CR1: variants seen among roughly 807,000 people sequenced by gnomAD.
The protein encoded by CR1 is complement receptor type 1.
Under a neutral mutation model 187.3 loss-of-function variants are expected in CR1, and 116 were observed. The observed-to-expected ratio is 0.62, with a 90% CI of 0.53 to 0.72. The LOEUF (loss-of-function observed/expected upper bound fraction) is 0.72, where lower values mean the gene tolerates loss of function less well. Among genes scored for constraint, CR1 ranks in the 30% least tolerant of loss-of-function variants. The probability of loss-of-function intolerance (pLI) is 0.00; values close to 1 mark genes in which losing one functional copy is unlikely to be tolerated. For synonymous variants in CR1, 576 were observed against 747.1 expected (o/e 0.77, Z 3.73); for missense variants, 1,731 against 2,110.7 (o/e 0.82, Z 3.52).
intron 25 of CR1, among the ~76,000 whole-genome samples, chr1:207,568,252 C>T (rs539954747): frequency 8.4e-5 from 12 of 142,248 alleles, no homozygotes; most frequent in East Asian, 4.0e-4. Flanking sequence ...AAGAGGGAGG[C>T]GGTGAGTGGT....
rs56255648 is a variant in CR1 at position 207,621,767 on chromosome 1, T to C, written c.7253-206T>C. ...TGTATTATAAATTTTCTTCTGTAAT[T>C]GTATTAATAATAATTTTTAAAAGTC... On this transcript the variant is annotated intron_variant, in intron 43 of 46. Coordinates refer to ENST00000367049, the MANE Select transcript of CR1 (RefSeq NM_000651.6). Among the ~76,000 whole-genome samples the C allele has an allele frequency of 1.8e-3, 273 of 152,326 alleles. 1 individual carries two copies. Among genetic ancestry groups the C allele is most frequent in the African/African-American group, 6.4e-3 (264 of 41,566 alleles).
intron 1 of CR1, among the ~76,000 whole-genome samples, chr1:207,500,208 T>C (rs1659224893): frequency 6.6e-6 from 1 of 152,240 alleles, no homozygotes; most frequent in African/African-American, 2.4e-5. Context: ...GTCATGATGA[T>C]TAACAAAGCA....
At chr1:207,564,337 C>A (rs1306915911) in intron 23 of CR1, 103 bp downstream of exon 23, 11 of 1,587,036 alleles carry the variant, frequency 6.9e-6, no homozygotes, top group Non-Finnish European at 9.4e-6. Context: ...CACACACACA[C>A]ACACACACCT....
Position 207,564,312 on chromosome 1 carries a change from G to A in CR1, c.3866+78G>A, listed in dbSNP as rs1388758760. The stretch of plus-strand genomic sequence containing the variant: ...AGTCTAAAAAGGGGAGATTTGGTGT[G>A]GCTTAAAAGAAAGACACACACACAC... On this transcript the variant is annotated intron_variant, in intron 23 of 46. Transcript: ENST00000367049. 53 of 1,588,200 alleles carry A rather than the reference G, an allele frequency of 3.3e-5. 6 individuals are homozygous for A. In the African/African-American group the frequency reaches 7.3e-4, roughly 22 times the overall value.
intron 1 of CR1, among the ~76,000 whole-genome samples, chr1:207,497,226 A>G (rs546932758): frequency 1.7e-4 from 26 of 152,250 alleles, no homozygotes; most frequent in Non-Finnish European, 3.2e-4. Context: ...TGATGTGTTT[A>G]GTACAAAATA....
chr1:207,607,658 A>G (rs1021602580), intron 36 of CR1, among the ~76,000 whole-genome samples: 5 of 152,174 alleles, frequency 3.3e-5, no homozygotes, highest in Admixed American at 1.3e-4. Context: ...CTTACTATCT[A>G]TCAGGTTACA....
At chr1:207,600,569 C>T (rs920580069) in intron 35 of CR1, 6 of 152,020 alleles carry the variant, frequency 3.9e-5, no homozygotes, top group Admixed American at 2.0e-4. Flanking sequence ...TTTTAGAAAA[C>T]GGAGTACCTT....
At chr1:207,618,995 G>T (rs576458886) in intron 42 of CR1, among the ~76,000 whole-genome samples, 31 of 133,556 alleles carry the variant, frequency 2.3e-4, no homozygotes, top group African/African-American at 9.0e-4. Flanking sequence ...CTGAGATCAC[G>T]CCACTGCACT....
chr1:207,500,375 T>C (rs1261467088), intron 1 of CR1, among the ~76,000 whole-genome samples: 1 of 152,214 alleles, frequency 6.6e-6, no homozygotes, highest in Admixed American at 6.5e-5. Context: ...CAAGTGCAAA[T>C]CTATTCCTTA....
chr1:207,516,119 G>T (rs1259191547), intron 4 of CR1, among the ~76,000 whole-genome samples: 1 of 152,186 alleles, frequency 6.6e-6, no homozygotes, highest in Non-Finnish European at 1.5e-5. Flanking sequence ...CTACTTGGGA[G>T]GCTGAGGTGG....
intron 35 of CR1, among the ~76,000 whole-genome samples, chr1:207,589,200 G>A (rs1227761290): frequency 1.3e-5 from 2 of 152,200 alleles, no homozygotes; most frequent in African/African-American, 2.4e-5. Flanking sequence ...AGCTCTGGAA[G>A]AGTATGCATC....
In CR1 at chr1:207,609,248, A is replaced by T. The variant is rs750508850; in HGVS notation, c.5897-42A>T. ...TAAATTCATAGTAAAATAATTCATTATTAAAAAATAAGCTGTTTTACCATA... is the reference window on the plus strand; with the variant it reads ...TAAATTCATAGTAAAATAATTCATTTTTAAAAAATAAGCTGTTTTACCATA... On this transcript the variant is annotated intron_variant, in intron 36 of 46. Transcript: ENST00000367049. The T allele has an allele frequency of 2.0e-6, 3 of 1,474,708 alleles. No homozygotes were observed. The Admixed American group carries it at 7.1e-5, about 35-fold the overall frequency. The allele number at this position is 1,474,708 out of a possible 1,614,324, so 91.4% of individuals were successfully genotyped here. A position where few individuals can be genotyped will look rare whatever the true frequency, so the allele number is the denominator to read the frequency against.
chr1:207,584,499 G>T, intron 32 of CR1, 150 bp from the exon 33 acceptor site: 2 of 924,756 alleles, frequency 2.2e-6, no homozygotes. Flanking sequence ...CTTAGCAGAG[G>T]CCTAATACAT....
rs776571107 is a variant in CR1 at position 207,616,630 on chromosome 1, C to T, written c.6717C>T (p.Pro2239=). ...TTAATGGGAGACACACAGGAACTCCCTTTGGAGATATTCCCTATGGAAAAG... is the reference window on the plus strand; with the variant it reads ...TTAATGGGAGACACACAGGAACTCCTTTTGGAGATATTCCCTATGGAAAAG... ...AILNGRHTGT[P]FGDIPYGKEI... Residue 2239 remains proline (P), a synonymous_variant, in exon 41 of 47, where the codon CCC becomes CCT. Transcript: ENST00000367049. 106 of 1,613,632 alleles carry T rather than the reference C, an allele frequency of 6.6e-5. No homozygotes were observed. Among genetic ancestry groups the T allele is most frequent in the Non-Finnish European group, 8.1e-5 (95 of 1,179,732 alleles).
At position 207,578,333 on chromosome 1, in the gene CR1, G is replaced by A. The variant is rs1304756748; in HGVS notation, c.4936+130G>A. 19 of 1,552,042 alleles carry A rather than the reference G, an allele frequency of 1.2e-5. No individual in the cohort carries two copies. The Admixed American group carries it at 2.9e-4, about 24-fold the overall frequency. ...GGGAAAGTAAGTTTTGGGGGAAGAA[G>A]CATGAAATTAAGAATTGGGGGTGTG... On this transcript the variant is annotated intron_variant, in intron 29 of 46. Coordinates refer to ENST00000367049, the MANE Select transcript of CR1 (RefSeq NM_000651.6).
At chr1:207,577,137 G>C (rs1402445075) in intron 28 of CR1, among the ~76,000 whole-genome samples, 1 of 152,006 alleles carries the variant, frequency 6.6e-6, no homozygotes, top group African/African-American at 2.4e-5. Flanking sequence ...TGTAATCCCA[G>C]CTACTCAGGA....
intron 46 of CR1, among the ~76,000 whole-genome samples, chr1:207,639,002 C>A (rs562284019): frequency 4.5e-4 from 68 of 152,296 alleles, no homozygotes; most frequent in Admixed American, 1.4e-3. Flanking sequence ...GGGTTGTTGT[C>A]CCTGAAAACC....
At chr1:207,599,738 G>T (rs1661550412) in intron 35 of CR1, among the ~76,000 whole-genome samples, 2 of 152,158 alleles carry the variant, frequency 1.3e-5, no homozygotes, top group Non-Finnish European at 2.9e-5. Context: ...TATAGAGTTT[G>T]TTCTCAATTT....
Position 207,620,015 on chromosome 1 carries a change from A to C in CR1, c.7202A>C (p.Gln2401Pro). 1 of 1,613,886 alleles carries C rather than the reference A, an allele frequency of 6.2e-7. No individual in the cohort carries two copies. The highest frequency in any genetic ancestry group is 8.5e-7 in the Non-Finnish European group (1 of 1,179,842). Reference protein sequence around the residue: ...GYTLEGSPWSQCQADDRWDPP... With the variant: ...GYTLEGSPWSPCQADDRWDPP... ...ACTCTGGAAGGCAGTCCCTGGAGCC[A>C]GTGCCAGGCGGATGACAGATGGGAC... The change falls in exon 43 of 47, where the codon CAG (glutamine) becomes CCG (proline). Residue 2401 changes from glutamine (Q) to proline (P), a missense_variant. Gln to Pro is a moderately conservative substitution (Grantham distance 76, BLOSUM62 -1). Coordinates refer to ENST00000367049, the MANE Select transcript of CR1 (RefSeq NM_000651.6).
Sources: allele counts gnomAD v4.1 joint callset (sites outside exome capture counted in the v4.1 genomes callset), GRCh38; gene constraint gnomAD v4.1.1; transcripts MANE v1.5; gene names NCBI Gene and HGNC (gene_info 2026-07-23, HGNC 2026-07-21).